The following ZBTB44 variants were observed in gnomAD, a reference collection of about 807,000 sequenced individuals.
ZBTB44 encodes the protein zinc finger and BTB domain-containing protein 44.
In ZBTB44, 15 loss-of-function variants were observed where a neutral mutation model predicts 54.0. The ratio of observed to expected loss-of-function variants is 0.28; its 90% confidence interval spans 0.19 to 0.43. ZBTB44 has a LOEUF of 0.43. ZBTB44 is among the 20% of genes least tolerant of loss of function. The pLI, the probability that ZBTB44 is intolerant of heterozygous loss-of-function variation, is 1.00. For missense variants in ZBTB44, 487 were observed against 707.1 expected, an observed-to-expected ratio of 0.69 and a Z score of 3.53; for synonymous variants, 230 against 250.1, an observed-to-expected ratio of 0.92 and a Z score of 0.76.
chr11:130,269,545 C>T (rs1414113737), intron 1 of ZBTB44, among the ~76,000 whole-genome samples: 1 of 151,466 alleles, frequency 6.6e-6, no homozygotes, highest in African/African-American at 2.5e-5. Flanking sequence ...ATACTGCTAT[C>T]ACACATTCTT....
At chr11:130,253,457 C>T (rs971766663) in intron 2 of ZBTB44, among the ~76,000 whole-genome samples, 8 of 152,264 alleles carry the variant, frequency 5.3e-5, no homozygotes, top group Non-Finnish European at 8.8e-5. Context: ...CATGAGTGAA[C>T]TCCTGTTCAC....
chr11:130,311,104 T>G lies in ZBTB44; in HGVS notation c.-57+3271A>C, dbSNP rs116833694. 6.2e-3 allele frequency among the ~76,000 whole-genome samples: 940 copies of G among 152,268 alleles called. 19 individuals are homozygous for G. The highest frequency in any genetic ancestry group is 0.022 in the African/African-American group (901 of 41,562). On this transcript the variant is annotated intron_variant, in intron 1 of 7. Transcript: ENST00000357899. ...ATGCAATATAGTCTAAATACGAAAA[T>G]AAATGCAAAGAAATCTTAAACTACA...
At chr11:130,313,948 GTA>G (rs66987405) in intron 1 of ZBTB44, among the ~76,000 whole-genome samples, 356 of 145,588 alleles carry the variant, frequency 2.4e-3, no homozygotes, top group East Asian at 6.0e-3. Context: ...TTGTGTGTGT[GTA>G]TATATATATA....
intron 1 of ZBTB44, among the ~76,000 whole-genome samples, chr11:130,275,568 G>T (rs938970775): frequency 6.6e-6 from 1 of 152,086 alleles, no homozygotes; most frequent in African/African-American, 2.4e-5. Context: ...ACATATTTGT[G>T]AGCTTCTCAA....
At chr11:130,298,432 AC>A (rs1041019817) in intron 1 of ZBTB44, among the ~76,000 whole-genome samples, 2 of 148,760 alleles carry the variant, frequency 1.3e-5, no homozygotes, top group African/African-American at 5.0e-5. Context: ...GGTGTGAGCC[AC>A]CATGCCCGGC....
intron 2 of ZBTB44, among the ~76,000 whole-genome samples, chr11:130,249,202 T>C (rs754198754): frequency 4.6e-5 from 7 of 152,152 alleles, no homozygotes; most frequent in Non-Finnish European, 8.8e-5. Flanking sequence ...CTCAATATCT[T>C]AGATATTTAG....
intron 1 of ZBTB44, among the ~76,000 whole-genome samples, chr11:130,292,802 A>C (rs1210497403): frequency 6.6e-6 from 1 of 152,220 alleles, no homozygotes; most frequent in African/African-American, 2.4e-5. Flanking sequence ...TTACATGGAA[A>C]ATGTATACGT....
At chr11:130,268,178 G>A (rs1464614827) in intron 1 of ZBTB44, among the ~76,000 whole-genome samples, 1 of 149,100 alleles carries the variant, frequency 6.7e-6, no homozygotes, top group Non-Finnish European at 1.5e-5. Flanking sequence ...AAGACTACTT[G>A]AGCCCAGGAG....
rs562097001 is a variant in ZBTB44 at position 130,245,095 on chromosome 11, A to G, written c.1019-5199T>C. 2.0e-3 allele frequency among the ~76,000 whole-genome samples: 310 copies of G among 152,294 alleles called. 1 individual carries two copies. Among genetic ancestry groups the G allele is most frequent in the African/African-American group, 7.3e-3 (302 of 41,558 alleles). Reference sequence around the variant, plus strand: ...ACTTGGGTATACTCTGAGGCTTTTGAAAATACGCAGGACTATGTGTGTTTA... The same window carrying G: ...ACTTGGGTATACTCTGAGGCTTTTGGAAATACGCAGGACTATGTGTGTTTA... On this transcript the variant is annotated intron_variant, in intron 2 of 7. Coordinates refer to ENST00000357899, the MANE Select transcript of ZBTB44 (RefSeq NM_001301098.2).
intron 2 of ZBTB44, among the ~76,000 whole-genome samples, chr11:130,242,190 TC>T (rs148490754): frequency 0.04 from 6,080 of 152,292 alleles, 295 homozygotes; most frequent in African/African-American, 0.11. Flanking sequence ...TTTTCCTATT[TC>T]TTTGTATTGG....
chr11:130,280,694 A>G (rs139127308), intron 1 of ZBTB44, among the ~76,000 whole-genome samples: 2 of 152,364 alleles, frequency 1.3e-5, no homozygotes, highest in East Asian at 3.9e-4. Flanking sequence ...GGTAACAGAA[A>G]GGTAATTAAA....
intron 2 of ZBTB44, among the ~76,000 whole-genome samples, chr11:130,252,753 A>G (rs2136370418): frequency 6.6e-6 from 1 of 152,354 alleles, no homozygotes; most frequent in African/African-American, 2.4e-5. Flanking sequence ...AGCCTGGCAG[A>G]GACACAACAA....
At chr11:130,288,995 A>C (rs77840363) in intron 1 of ZBTB44, among the ~76,000 whole-genome samples, 1,965 of 152,274 alleles carry the variant, frequency 0.013, 46 homozygotes, top group African/African-American at 0.045. Context: ...CTGCTGTTTA[A>C]ATAAACCACA....
At chr11:130,243,264 C>T (rs1255090619) in intron 2 of ZBTB44, among the ~76,000 whole-genome samples, 4 of 152,144 alleles carry the variant, frequency 2.6e-5, no homozygotes, top group Admixed American at 2.0e-4. Context: ...TCTCTCTCTG[C>T]CTTGTTTTCT....
At chr11:130,237,145 C>A in intron 4 of ZBTB44, 52 bp from the exon 5 acceptor site, 1 of 1,411,544 alleles carries the variant, frequency 7.1e-7, no homozygotes, top group South Asian at 1.7e-5. Context: ...ACTGAAAAGT[C>A]ATAAACCCTA....
intron 1 of ZBTB44, among the ~76,000 whole-genome samples, chr11:130,276,431 C>CTTTTTT (rs1004293725): frequency 4.2e-5 from 6 of 142,800 alleles, no homozygotes; most frequent in African/African-American, 1.1e-4. Context: ...CTATACGTTT[C>CTTTTTT]TTTTTTTTTT....
At chr11:130,308,315 T>G (rs1942392622) in intron 1 of ZBTB44, among the ~76,000 whole-genome samples, 1 of 152,246 alleles carries the variant, frequency 6.6e-6, no homozygotes, top group African/African-American at 2.4e-5. Flanking sequence ...ACAGCATCAG[T>G]CATGTAGTTC....
At chr11:130,267,510 ATCC>A (rs1032583575) in intron 1 of ZBTB44, among the ~76,000 whole-genome samples, 30 of 151,980 alleles carry the variant, frequency 2.0e-4, no homozygotes, top group African/African-American at 7.0e-4. Context: ...GGGTCAAGCA[ATCC>A]TCCTGTCTTA....
intron 2 of ZBTB44, among the ~76,000 whole-genome samples, chr11:130,255,108 A>T (rs1938329851): frequency 6.6e-6 from 1 of 151,916 alleles, no homozygotes; most frequent in Non-Finnish European, 1.5e-5. Context: ...TAGCATTAGG[A>T]GATATACCTA....
Sources: gnomAD v4.1 joint callset for allele counts (sites outside exome capture counted in the v4.1 genomes callset) on GRCh38, gnomAD v4.1.1 for gene constraint, MANE v1.5 for transcripts, NCBI Gene and HGNC (gene_info 2026-07-23, HGNC 2026-07-21) for gene names.